BRSK2: variants seen among roughly 807,000 people sequenced by gnomAD.
The protein encoded by BRSK2 is serine/threonine-protein kinase BRSK2.
Under a neutral mutation model 83.3 loss-of-function variants are expected in BRSK2, and 19 were observed. That is an observed-to-expected ratio of 0.23 (90% CI 0.16 to 0.33). The LOEUF (loss-of-function observed/expected upper bound fraction) is 0.33. Ranked by LOEUF, BRSK2 falls within the 10% of genes least tolerant of loss-of-function variation. The probability of loss-of-function intolerance (pLI) is 1.00; values close to 1 mark genes in which losing one functional copy is unlikely to be tolerated. For missense variants in BRSK2, 798 were observed against 1,042.3 expected (o/e 0.77, Z 3.23); for synonymous variants, 519 against 435.4 (o/e 1.19, Z -2.39).
At chr11:1,399,300 G>A (rs1292655050) in intron 1 of BRSK2, among the ~76,000 whole-genome samples, 1 of 148,188 alleles carries the variant, frequency 6.7e-6, no homozygotes, top group African/African-American at 2.4e-5. Flanking sequence ...ATAGGATGGT[G>A]GGGTGGTGCC....
chr11:1,448,032 C>A (rs753329235), intron 12 of BRSK2, among the ~76,000 whole-genome samples: 2 of 152,132 alleles, frequency 1.3e-5, no homozygotes, highest in African/African-American at 4.8e-5. Flanking sequence ...AGGCAGAGGC[C>A]GAGGAGGGGT....
In BRSK2 at chr11:1,440,894, T is replaced by G; in HGVS notation, c.379T>G (p.Ser127Ala). The G allele has an allele frequency of 6.2e-7, 1 of 1,609,604 alleles. No homozygotes were observed. Among genetic ancestry groups the G allele is most frequent in the Non-Finnish European group, 8.5e-7 (1 of 1,178,782 alleles). The change falls in exon 4 of 20, where the codon TCT becomes GCT. Residue 127 changes from serine to alanine, a missense_variant. Physicochemically the swap from Ser to Ala is moderately conservative, Grantham distance 99. Around this residue, in one of 6 missense-constraint regions of BRSK2, gnomAD observed 109 missense variants for 259.2 expected, o/e 0.42. Transcript: ENST00000528841. ...EARKFFRQII[S>A]ALDFCHSHSI... ...TCGGAAGTTCTTCCGGCAGATCATC[T>G]CTGCGCTGGACTTCTGCCACAGCCA... is the stretch of plus-strand genomic sequence containing the variant.
Position 1,450,636 on chromosome 11 carries a change from G to A in BRSK2, c.1337G>A (p.Gly446Glu), listed in dbSNP as rs745607962. Residue 446 changes from glycine to glutamate, a missense_variant, in exon 14 of 20, where the codon GGG becomes GAG. By Grantham distance (98) the Gly-to-Glu change is moderately conservative. Around this residue, in one of 6 missense-constraint regions of BRSK2, gnomAD observed 455 missense variants for 455.2 expected, o/e 1.00. Transcript: ENST00000528841. ...GGCAGTCCCCTCCCCACCCCCAAGG[G>A]GACACCTGTCCACACGCCAAAGGAG... is the stretch of plus-strand genomic sequence containing the variant. ...PRGSPLPTPKGTPVHTPKESP... is the reference protein window; with the variant it reads ...PRGSPLPTPKETPVHTPKESP... The A allele has an allele frequency of 5.6e-6, 9 of 1,605,392 alleles. No individual in the cohort carries two copies. Among genetic ancestry groups the A allele is most frequent in the Non-Finnish European group, 7.6e-6 (9 of 1,177,348 alleles).
intron 1 of BRSK2, among the ~76,000 whole-genome samples, chr11:1,420,646 C>A (rs1161163896): frequency 6.6e-6 from 1 of 152,190 alleles, no homozygotes; most frequent in Non-Finnish European, 1.5e-5. Context: ...CCTATCTCCA[C>A]CCCCTTGGTC....
intron 3 of BRSK2, among the ~76,000 whole-genome samples, chr11:1,439,613 G>A (rs1383440696): frequency 2.0e-5 from 3 of 152,068 alleles, no homozygotes; most frequent in South Asian, 2.1e-4. Flanking sequence ...GGGCATGGCC[G>A]GGCTCGCGGC....
rs1265544847 is a variant in BRSK2 at position 1,444,874 on chromosome 11, T to C, written c.781-97T>C. Reference sequence around the variant, plus strand: ...CTTGCCCTCACCCTCTCCTGCTCTCTCCGTGCTCCCAGCGCCCCTGCCTTC... The same window carrying C: ...CTTGCCCTCACCCTCTCCTGCTCTCCCCGTGCTCCCAGCGCCCCTGCCTTC... On this transcript the variant is annotated intron_variant, in intron 8 of 19. Coordinates refer to ENST00000528841, the MANE Select transcript of BRSK2 (RefSeq NM_001256627.2). 5 of 1,135,384 alleles carry C rather than the reference T, an allele frequency of 4.4e-6. No individual in the cohort carries two copies. The East Asian group carries it at 9.4e-5, about 21-fold the overall frequency. The allele number at this position is 1,135,384 out of a possible 1,614,324, so 70.3% of individuals were successfully genotyped here. A position where few individuals can be genotyped will look rare whatever the true frequency, so the allele number is the denominator to read the frequency against.
At chr11:1,459,058 C>G in intron 18 of BRSK2, 134 bp from the exon 19 acceptor site, 7 of 491,710 alleles carry the variant, frequency 1.4e-5, no homozygotes, top group East Asian at 5.1e-5. Flanking sequence ...CCCCAGTATT[C>G]CCCACCCATG....
At chr11:1,428,165 C>G (rs981074189) in intron 1 of BRSK2, among the ~76,000 whole-genome samples, 7 of 152,154 alleles carry the variant, frequency 4.6e-5, no homozygotes, top group African/African-American at 1.7e-4. Flanking sequence ...TACATCCCAG[C>G]CTGCTGCGTC....
rs746178541 is a variant in BRSK2 at position 1,460,743 on chromosome 11, C to A, written c.*20C>A. 67 of 1,383,686 alleles carry A rather than the reference C, an allele frequency of 4.8e-5. 1 individual carries two copies. The highest frequency in any genetic ancestry group is 1.2e-4 in the South Asian group (8 of 66,906). 85.7% of individuals were successfully genotyped at this position (1,383,686 alleles called of 1,614,324 possible). A position where few individuals can be genotyped will look rare whatever the true frequency, so the allele number is the denominator to read the frequency against. The stretch of plus-strand genomic sequence containing the variant: ...CCTTAGACACACTAGCCCCCCCCCC[C>A]AGCACAGCACTGACAGCGGCTGCCT... On this transcript the variant is annotated 3_prime_UTR_variant, in exon 20 of 20. Coordinates refer to ENST00000528841, the MANE Select transcript of BRSK2 (RefSeq NM_001256627.2).
chr11:1,396,586 G>C (rs75488410), intron 1 of BRSK2, among the ~76,000 whole-genome samples: 1 of 152,240 alleles, frequency 6.6e-6, no homozygotes, highest in Non-Finnish European at 1.5e-5. Flanking sequence ...GGCCACTGGC[G>C]CTCAGGAGGA....
At chr11:1,426,330 C>A (rs534730221) in intron 1 of BRSK2, among the ~76,000 whole-genome samples, 1 of 149,186 alleles carries the variant, frequency 6.7e-6, no homozygotes, top group African/African-American at 2.5e-5. Context: ...GTGTGTGGGG[C>A]GTGCTCTGCT....
At position 1,460,942 on chromosome 11, in the gene BRSK2, G is replaced by A. The variant is rs1483945589; in HGVS notation, c.*219G>A. ...TCTCTGCCTCTGCCTGTCTCTGACA[G>A]CATCGCTTGTTTCCACTCTGATACC... On this transcript the variant is annotated 3_prime_UTR_variant, in exon 20 of 20. Transcript: ENST00000528841. 5 of 1,612,238 alleles carry A rather than the reference G, an allele frequency of 3.1e-6. No homozygotes were observed. In the Admixed American group the frequency reaches 5.0e-5, roughly 16 times the overall value.
At position 1,449,736 on chromosome 11, in the gene BRSK2, C is replaced by T. The variant is rs759597788; in HGVS notation, c.1227-40C>T. The T allele has an allele frequency of 5.1e-5, 80 of 1,569,762 alleles. No homozygotes were observed. The South Asian group carries it at 6.9e-4, about 14-fold the overall frequency. ...AGCCCAGCACCTGCTGCTCCACTGC[C>T]CCCTGGCTGAGCAGTGGCCCTGTAC... On this transcript the variant is annotated intron_variant, in intron 12 of 19. Transcript: ENST00000528841.
At chr11:1,449,738 C>T (rs116832874) in intron 12 of BRSK2, 38 bp from the exon 13 acceptor site, 4 of 1,583,482 alleles carry the variant, frequency 2.5e-6, no homozygotes, top group South Asian at 1.1e-5. Context: ...TCCACTGCCC[C>T]CTGGCTGAGC....
intron 1 of BRSK2, among the ~76,000 whole-genome samples, chr11:1,435,823 C>T (rs988369490): frequency 6.6e-5 from 10 of 151,842 alleles, no homozygotes; most frequent in East Asian, 2.0e-4. Flanking sequence ...CCCAAAGGGC[C>T]GGCGTGGAGG....
intron 1 of BRSK2, among the ~76,000 whole-genome samples, chr11:1,401,029 G>A (rs1292273843): frequency 6.6e-6 from 1 of 152,238 alleles, no homozygotes; most frequent in Non-Finnish European, 1.5e-5. Flanking sequence ...GGCCACATGA[G>A]TGTCAGGACA....
intron 1 of BRSK2, among the ~76,000 whole-genome samples, chr11:1,413,588 A>G (rs1352075884): frequency 6.6e-6 from 1 of 152,234 alleles, no homozygotes; most frequent in African/African-American, 2.4e-5. Flanking sequence ...CAAGCCAGGA[A>G]GGAAGTGGTC....
At chr11:1,426,969 A>G (rs1000719452) in intron 1 of BRSK2, among the ~76,000 whole-genome samples, 7 of 152,140 alleles carry the variant, frequency 4.6e-5, no homozygotes, top group Non-Finnish European at 7.4e-5. Context: ...CCTGCTGCGC[A>G]ACTTTAGTCT....
In BRSK2 at chr11:1,429,542, G is replaced by A. The variant is rs1447512584; in HGVS notation, c.92-6498G>A. On this transcript the variant is annotated intron_variant, in intron 1 of 19. Coordinates refer to ENST00000528841, the MANE Select transcript of BRSK2 (RefSeq NM_001256627.2). ...CATCCTGCTGTGCCCAGCAGTGAGC[G>A]TCTTCTGCGGTCTGGTCAGGTTTTG... Among the ~76,000 whole-genome samples, 10 of 117,914 alleles carry A rather than the reference G, an allele frequency of 8.5e-5. 1 individual carries two copies. Among genetic ancestry groups the A allele is most frequent in the East Asian group, 4.0e-4 (2 of 4,988 alleles). The allele number at this position is 117,914 out of a possible 152,430, so 77.4% of individuals were successfully genotyped here. A position where few individuals can be genotyped will look rare whatever the true frequency, so the allele number is the denominator to read the frequency against.
Sources: allele counts gnomAD v4.1 joint callset (sites outside exome capture counted in the v4.1 genomes callset), GRCh38; gene constraint gnomAD v4.1.1; regional missense constraint gnomAD v4.1.1; transcripts MANE v1.5; gene names NCBI Gene and HGNC (gene_info 2026-07-23, HGNC 2026-07-21).